The following DNAH11 variants were observed in gnomAD, a reference collection of about 807,000 sequenced individuals.
The protein encoded by DNAH11 is dynein axonemal heavy chain 11, also known as axonemal beta dynein heavy chain 11.
DNAH11 carries 442 observed loss-of-function variants against 526.0 expected under a neutral mutation model. The observed-to-expected ratio is 0.84, with a 90% CI of 0.78 to 0.91. The LOEUF is 0.91. DNAH11 is among the 40% of genes least tolerant of loss of function. The pLI is 0.00. For missense variants in DNAH11, 6,989 were observed against 5,448.7 expected (o/e 1.28, Z -8.90); for synonymous variants, 2,461 against 1,935.9 (o/e 1.27, Z -7.12).
chr7:21,821,975 C>T (rs1313618939), intron 65 of DNAH11, among the ~76,000 whole-genome samples: 2 of 151,766 alleles, frequency 1.3e-5, no homozygotes, highest in Non-Finnish European at 2.9e-5. Flanking sequence ...TCTTTCTGTG[C>T]CTGACTTATT....
chr7:21,643,273 C>T (rs1280966518), intron 28 of DNAH11, among the ~76,000 whole-genome samples: 1 of 152,022 alleles, frequency 6.6e-6, no homozygotes, highest in African/African-American at 2.4e-5. Flanking sequence ...CCTTTTGCAC[C>T]CTTTCAGGTT....
chr7:21,597,701 C>G (rs1369401967), intron 14 of DNAH11, among the ~76,000 whole-genome samples: 1 of 152,144 alleles, frequency 6.6e-6, no homozygotes, highest in Admixed American at 6.5e-5. Context: ...TCACCTTCCA[C>G]CAGGCCACTC....
chr7:21,703,083 A>C (rs937004612), intron 37 of DNAH11, among the ~76,000 whole-genome samples: 1 of 152,228 alleles, frequency 6.6e-6, no homozygotes, highest in Non-Finnish European at 1.5e-5. Context: ...TTCAGTAATC[A>C]CTGTTTGATT....
intron 76 of DNAH11, among the ~76,000 whole-genome samples, chr7:21,889,583 A>G (rs749083305): frequency 2.6e-5 from 4 of 152,126 alleles, no homozygotes; most frequent in Non-Finnish European, 5.9e-5. Flanking sequence ...TTTTTATTTT[A>G]GCCATTCTGG....
At chr7:21,688,508 A>G (rs942378664) in intron 34 of DNAH11, among the ~76,000 whole-genome samples, 2 of 152,070 alleles carry the variant, frequency 1.3e-5, no homozygotes, top group African/African-American at 4.8e-5. Context: ...AACTCTCTCT[A>G]TGCTGCTGAC....
At chr7:21,710,511 C>G in intron 40 of DNAH11, 42 bp from the exon 41 acceptor site, 1 of 1,503,366 alleles carries the variant, frequency 6.7e-7, no homozygotes, top group Non-Finnish European at 9.0e-7. Context: ...TAATATCAAT[C>G]TATCGTAGAA....
chr7:21,572,407 T>G (rs1783928525), intron 8 of DNAH11, among the ~76,000 whole-genome samples: 1 of 152,192 alleles, frequency 6.6e-6, no homozygotes, highest in South Asian at 2.1e-4. Context: ...TTATAATTTT[T>G]GTTATTCTTG....
rs986290763 is a variant in DNAH11, at chr7:21,899,359, G to A, written c.13073G>A (p.Cys4358Tyr). The change falls in exon 80 of 82, where the codon TGC becomes TAC. Residue 4358 changes from cysteine to tyrosine, a missense_variant. By Grantham distance (194) the Cys-to-Tyr change is radical. Transcript: ENST00000409508. ...AGGTTCAATGACCTCCTCCTGCGAT[G>A]CCGAGAACTCGATACTTGGACACAA... is the stretch of plus-strand genomic sequence containing the variant. The part of the protein sequence containing the change: ...AQWFNDLLLR[C>Y]RELDTWTQDL... The A allele has an allele frequency of 3.7e-6, 6 of 1,613,964 alleles. No homozygotes were observed. The highest frequency in any genetic ancestry group is 5.1e-6 in the Non-Finnish European group (6 of 1,179,876).
intron 55 of DNAH11, among the ~76,000 whole-genome samples, chr7:21,766,932 G>C (rs4722056): frequency 0.4 from 60,080 of 151,976 alleles, 14,979 homozygotes; most frequent in African/African-American, 0.69. Flanking sequence ...TACCTCCCCT[G>C]TCCTTCTCTC....
At position 21,679,435 on chromosome 7, in the gene DNAH11, G is replaced by A. The variant is rs533374815; in HGVS notation, c.5329-2111G>A. Among the ~76,000 whole-genome samples the A allele has an allele frequency of 2.0e-5, 3 of 152,228 alleles. No homozygotes were observed. The South Asian group carries it at 6.2e-4, about 32-fold the overall frequency. The stretch of plus-strand genomic sequence containing the variant: ...AGCTGATGGATATGTCAGTTAGCTT[G>A]GTTGGGGTAATAGTTTCACAATGTA... On this transcript the variant is annotated intron_variant, in intron 30 of 81. Transcript: ENST00000409508.
chr7:21,662,258 T>C (rs1183532480), intron 30 of DNAH11, among the ~76,000 whole-genome samples: 1 of 152,178 alleles, frequency 6.6e-6, no homozygotes, highest in Non-Finnish European at 1.5e-5. Flanking sequence ...CCTCAGTAGT[T>C]TATAAGAAAA....
intron 66 of DNAH11, among the ~76,000 whole-genome samples, chr7:21,845,596 C>T (rs1324025678): frequency 6.6e-6 from 1 of 151,930 alleles, no homozygotes. Flanking sequence ...TTTGTCTATC[C>T]TTTTATCAAT....
At chr7:21,869,866 C>T (rs1266123270) in intron 73 of DNAH11, among the ~76,000 whole-genome samples, 1 of 152,202 alleles carries the variant, frequency 6.6e-6, no homozygotes, top group African/African-American at 2.4e-5. Flanking sequence ...CTCTGGGATG[C>T]CCCCCTTGGC....
In DNAH11 at chr7:21,809,001, G is replaced by T. The variant is rs180791417; in HGVS notation, c.10332+952G>T. Among the ~76,000 whole-genome samples, 10 of 152,240 alleles carry T rather than the reference G, an allele frequency of 6.6e-5. No homozygotes were observed. In the East Asian group the frequency reaches 1.9e-3, roughly 29 times the overall value. ...GTACTAATTTAAATTTCCACCAGCA[G>T]TATACAAGCTTTCCCTTTTCTCTAC... On this transcript the variant is annotated intron_variant, in intron 63 of 81. Transcript: ENST00000409508.
chr7:21,761,841 T>C (rs757295420), intron 54 of DNAH11, among the ~76,000 whole-genome samples: 1 of 152,204 alleles, frequency 6.6e-6, no homozygotes, highest in Non-Finnish European at 1.5e-5. Context: ...GACCATTCTG[T>C]ATTATTTTTC....
In DNAH11 at chr7:21,738,745, G is replaced by A. The variant is rs747035323; in HGVS notation, c.7690G>A (p.Gly2564Ser). 1.4e-5 allele frequency: 22 copies of A among 1,585,436 alleles called. No homozygotes were observed. Among genetic ancestry groups the A allele is most frequent in the Admixed American group, 1.8e-5 (1 of 56,036 alleles). ...PLEKKAGHNY[G>S]PGGNKKLIYF... ...AGAGAAAAAAGCTGGTCATAACTATGGTCCTGGAGGAAATAAAAAATTGAT... is the reference window on the plus strand; with the variant it reads ...AGAGAAAAAAGCTGGTCATAACTATAGTCCTGGAGGAAATAAAAAATTGAT... Residue 2564 changes from glycine to serine, a missense_variant, in exon 47 of 82, where the codon GGT (glycine) becomes AGT (serine). Transcript: ENST00000409508.
intron 18 of DNAH11, among the ~76,000 whole-genome samples, chr7:21,602,595 G>GTC (rs1785137481): frequency 7.7e-6 from 1 of 129,146 alleles, no homozygotes; most frequent in African/African-American, 2.7e-5. Context: ...GTGTGTGTGT[G>GTC]TGTGTACACA....
chr7:21,564,268 A>G lies in DNAH11; in HGVS notation c.1065A>G (p.Pro355=), dbSNP rs4392792. The G allele has an allele frequency of 0.068, 109,554 of 1,613,430 alleles. 9,200 individuals carry two copies. The highest frequency in any genetic ancestry group is 0.3 in the East Asian group (13,339 of 44,836). Residue 355 remains proline, a synonymous_variant, in exon 6 of 82, where the codon CCA becomes CCG. Transcript: ENST00000409508. Reference sequence around the variant, plus strand: ...AGTGTCTCCAGGAGACGGAATTCCCACAGACACGCATATTAATCGCTCCAT... The same window carrying G: ...AGTGTCTCCAGGAGACGGAATTCCCGCAGACACGCATATTAATCGCTCCAT... ...HIQCLQETEF[P]QTRILIAPLF... is the part of the protein sequence containing the mutation.
intron 51 of DNAH11, among the ~76,000 whole-genome samples, chr7:21,748,080 G>A (rs1786227996): frequency 6.6e-6 from 1 of 152,170 alleles, no homozygotes; most frequent in African/African-American, 2.4e-5. Flanking sequence ...CAAGGGTTAG[G>A]GTGAAGGTAG....
Sources: allele counts gnomAD v4.1 joint callset (sites outside exome capture counted in the v4.1 genomes callset), GRCh38; gene constraint gnomAD v4.1.1; transcripts MANE v1.5; gene names NCBI Gene and HGNC (gene_info 2026-07-23, HGNC 2026-07-21).